LRRC37A2: variants seen among roughly 807,000 people sequenced by gnomAD.
LRRC37A2 encodes the protein leucine-rich repeat-containing protein 37A2.
LRRC37A2 carries 9 observed loss-of-function variants against 68.8 expected under a neutral mutation model. That is an observed-to-expected ratio of 0.13 (90% CI 0.08 to 0.23). The LOEUF is 0.23. LRRC37A2 is among the 10% of genes least tolerant of loss of function. The probability of loss-of-function intolerance (pLI) is 1.00; values close to 1 mark genes in which losing one functional copy is unlikely to be tolerated. For missense variants in LRRC37A2, 168 were observed against 950.4 expected (o/e 0.18, Z 10.82); for synonymous variants, 63 against 367.6 (o/e 0.17, Z 9.48).
At chr17:46,792,790 T>A in the LRRC37A2 span, among the ~76,000 whole-genome samples, 20 of 152,186 alleles carry the variant, frequency 1.3e-4, no homozygotes, top group Admixed American at 1.3e-3. Context: ...TTATTAATAA[T>A]AATAGTTAAC....
At chr17:46,792,439 A>G in the LRRC37A2 span, among the ~76,000 whole-genome samples, 1 of 152,206 alleles carries the variant, frequency 6.6e-6, no homozygotes, top group Admixed American at 6.5e-5. Context: ...TAAGTAAGGT[A>G]GTAAGGAGCC....
chr17:46,712,838 T>C, the LRRC37A2 span, among the ~76,000 whole-genome samples: 1 of 151,908 alleles, frequency 6.6e-6, no homozygotes, highest in Non-Finnish European at 1.5e-5. Context: ...AAAGAGAGAA[T>C]GTGTGTTACA....
chr17:46,404,674 C>T, the LRRC37A2 span, among the ~76,000 whole-genome samples: 3 of 105,762 alleles, frequency 2.8e-5, 1 homozygote, highest in Non-Finnish European at 2.2e-5. Flanking sequence ...TCGAGACCAT[C>T]CTGGCTAACA....
At chr17:46,889,251 C>T in the LRRC37A2 span, among the ~76,000 whole-genome samples, 2 of 152,140 alleles carry the variant, frequency 1.3e-5, no homozygotes, top group African/African-American at 4.8e-5. Flanking sequence ...CAATGAACCA[C>T]TCACTCAGAG....
chr17:46,934,795 A>G, the LRRC37A2 span, among the ~76,000 whole-genome samples: 2 of 152,070 alleles, frequency 1.3e-5, no homozygotes, highest in African/African-American at 4.8e-5. Flanking sequence ...AATGAACGAT[A>G]CTTGTGGAGT....
the LRRC37A2 span, among the ~76,000 whole-genome samples, chr17:46,895,414 C>T: frequency 1.3e-5 from 2 of 152,210 alleles, no homozygotes; most frequent in Non-Finnish European, 2.9e-5. Flanking sequence ...GAGGACGGAA[C>T]CTCTCTGTGC....
chr17:46,744,523 CCTTT>C, the LRRC37A2 span, among the ~76,000 whole-genome samples: 2 of 152,126 alleles, frequency 1.3e-5, no homozygotes. Flanking sequence ...GAAAGAATGG[CCTTT>C]CTTTCCTGCA....
the LRRC37A2 span, chr17:46,955,530 T>C: frequency 1.3e-5 from 2 of 152,054 alleles, no homozygotes; most frequent in African/African-American, 4.8e-5. Context: ...TCAACAAGAG[T>C]CAAATAAAGA....
the LRRC37A2 span, among the ~76,000 whole-genome samples, chr17:47,022,163 G>GTTTTTTTTTTTT: frequency 5.2e-5 from 1 of 19,362 alleles, no homozygotes; most frequent in African/African-American, 9.4e-5. Flanking sequence ...ATTCCTTTTT[G>GTTTTTTTTTTTT]TTCTCTTTTT....
At chr17:46,896,184 C>A in the LRRC37A2 span, among the ~76,000 whole-genome samples, 1 of 151,722 alleles carries the variant, frequency 6.6e-6, no homozygotes, top group East Asian at 1.9e-4. Flanking sequence ...ATCCCAGCTA[C>A]TCGGGAGGCT....
At chr17:46,833,249 C>T in the LRRC37A2 span, 39 of 440,120 alleles carry the variant, frequency 8.9e-5, no homozygotes, top group East Asian at 6.8e-4. Flanking sequence ...TGAGCCCTGA[C>T]GCTTCAGCTG....
the LRRC37A2 span, chr17:46,923,313 G>T: frequency 6.5e-7 from 1 of 1,543,092 alleles, no homozygotes; most frequent in Non-Finnish European, 8.7e-7. Flanking sequence ...GTCAGCCAGG[G>T]TAGAGGCCGA....
chr17:46,796,745 G>T, the LRRC37A2 span, among the ~76,000 whole-genome samples: 2 of 152,222 alleles, frequency 1.3e-5, no homozygotes, highest in Non-Finnish European at 2.9e-5. Context: ...ATCAGTCCCT[G>T]GTTCCTGGCT....
the LRRC37A2 span, among the ~76,000 whole-genome samples, chr17:46,752,988 C>T: frequency 4.6e-5 from 7 of 152,152 alleles, no homozygotes; most frequent in Non-Finnish European, 8.8e-5. Flanking sequence ...AAGCCGGTCT[C>T]GATCTACTGA....
chr17:46,874,671 G>A, the LRRC37A2 span, among the ~76,000 whole-genome samples: 3 of 152,114 alleles, frequency 2.0e-5, no homozygotes, highest in South Asian at 2.1e-4. Flanking sequence ...TCCACCTTCC[G>A]GGTTCAAGTG....
chr17:47,029,139 C>G, the LRRC37A2 span, among the ~76,000 whole-genome samples: 1 of 152,004 alleles, frequency 6.6e-6, no homozygotes, highest in Admixed American at 6.6e-5. Context: ...GATTGTGCCA[C>G]TACACTCCAA....
At chr17:46,976,963 G>A in the LRRC37A2 span, among the ~76,000 whole-genome samples, 1 of 152,188 alleles carries the variant, frequency 6.6e-6, no homozygotes, top group Admixed American at 6.5e-5. Flanking sequence ...TTTACAAGGA[G>A]TGTCAGTTCC....
chr17:46,994,214 G>A, the LRRC37A2 span, among the ~76,000 whole-genome samples: 4 of 151,942 alleles, frequency 2.6e-5, no homozygotes, highest in South Asian at 2.1e-4. Context: ...GTGAAACCCC[G>A]TCTCTACTAA....
the LRRC37A2 span, chr17:46,923,503 C>G: frequency 1.4e-6 from 2 of 1,380,294 alleles, no homozygotes; most frequent in African/African-American, 1.5e-5. Flanking sequence ...AAACTGGCAC[C>G]TGCAGGTTAT....
Sources: allele counts gnomAD v4.1 joint callset (sites outside exome capture counted in the v4.1 genomes callset), GRCh38; gene constraint gnomAD v4.1.1; transcripts MANE v1.5; gene names NCBI Gene and HGNC (gene_info 2026-07-23, HGNC 2026-07-21).